FMOD: variants seen among roughly 807,000 people sequenced by gnomAD.
The protein encoded by FMOD is fibromodulin, also known as KSPG fibromodulin.
FMOD carries 15 observed loss-of-function variants against 27.0 expected under a neutral mutation model. The ratio of observed to expected loss-of-function variants is 0.55; its 90% CI spans 0.37 to 0.85. The LOEUF (loss-of-function observed/expected upper bound fraction) is 0.85. Ranked by LOEUF, FMOD falls within the 40% of genes least tolerant of loss-of-function variation. The probability of loss-of-function intolerance (pLI) is 0.00; values close to 1 mark genes in which losing one functional copy is unlikely to be tolerated. For synonymous variants in FMOD, 210 were observed against 214.0 expected (o/e 0.98, Z 0.16); for missense variants, 460 against 483.2 (o/e 0.95, Z 0.45).
At chr1:203,345,758 C>T (rs535465406) in intron 2 of FMOD, among the ~76,000 whole-genome samples, 12 of 151,930 alleles carry the variant, frequency 7.9e-5, no homozygotes, top group Non-Finnish European at 1.6e-4. Context: ...GTTGGCCGAG[C>T]GTGGTGGCAG....
At position 203,341,699 on chromosome 1, in the gene FMOD, A is replaced by G. The variant is rs1658797232; in HGVS notation, c.*644T>C. ...CTGGTGGCTTTCCAGGGGTGAGGTT[A>G]GGGAGGTATAGAAGTGACTCCTGGT... On this transcript the variant is annotated 3_prime_UTR_variant, in exon 3 of 3. Transcript: ENST00000354955. The G allele has an allele frequency of 6.6e-6, 1 of 152,252 alleles. No individual in the cohort carries two copies. Among genetic ancestry groups the G allele is most frequent in the African/African-American group, 2.4e-5 (1 of 41,440 alleles). The allele number at this position is 152,252 out of a possible 1,614,324, so 9.4% of individuals were successfully genotyped here.
Position 203,342,193 on chromosome 1 carries a change from C to T in FMOD, c.*150G>A, listed in dbSNP as rs113444349. On this transcript the variant is annotated 3_prime_UTR_variant, in exon 3 of 3. Coordinates refer to ENST00000354955, the MANE Select transcript of FMOD (RefSeq NM_002023.5). ...AGGCTGCCTGTCCCTGATCGCCCCC[C>T]CTAACCCCACCTACAGGAAAGAAGA... The T allele has an allele frequency of 4.3e-5, 41 of 957,526 alleles. 1 individual carries two copies. In the South Asian group the frequency reaches 6.2e-4, roughly 15 times the overall value. The allele number at this position is 957,526 out of a possible 1,614,324, so 59.3% of individuals were successfully genotyped here. A position where few individuals can be genotyped will look rare whatever the true frequency, so the allele number is the denominator to read the frequency against.
Position 203,347,724 on chromosome 1 carries a change from G to A in FMOD, c.547C>T (p.Leu183Phe), listed in dbSNP as rs1658915637. 1 of 1,614,042 alleles carries A rather than the reference G, an allele frequency of 6.2e-7. No homozygotes were observed. The highest frequency in any genetic ancestry group is 8.5e-7 in the Non-Finnish European group (1 of 1,180,040). ...PLPRSLRELH[L>F]DHNQISRVPN... ...ACCCGTGAGATCTGGTTGTGGTCGA[G>A]ATGGAGCTCTCTCAGGGATCGAGGC... Residue 183 changes from leucine (L) to phenylalanine (F), a missense_variant, in exon 2 of 3, where the codon CTC (leucine) becomes TTC (phenylalanine). Leu to Phe is a conservative substitution (Grantham distance 22, BLOSUM62 0). Transcript: ENST00000354955.
intron 1 of FMOD, 98 bp from the exon 2 acceptor site, chr1:203,348,375 G>A (rs1658934455): frequency 5.6e-6 from 7 of 1,257,726 alleles, no homozygotes. Context: ...GAGCTATGCA[G>A]AGCTGACTTC....
intron 1 of FMOD, 85 bp from the exon 2 acceptor site, chr1:203,348,362 T>C: frequency 2.1e-6 from 3 of 1,422,930 alleles, no homozygotes; most frequent in African/African-American, 1.4e-5. Flanking sequence ...AGCCTTAGGC[T>C]TTGAGCTATG....
intron 2 of FMOD, among the ~76,000 whole-genome samples, chr1:203,343,946 C>T (rs1040058784): frequency 8.5e-5 from 13 of 152,138 alleles, no homozygotes; most frequent in African/African-American, 2.4e-4. Flanking sequence ...GCAGGCATAA[C>T]ACAGAAAATC....
At chr1:203,345,646 C>T (rs59583954) in intron 2 of FMOD, among the ~76,000 whole-genome samples, 1,525 of 152,266 alleles carry the variant, frequency 0.01, 29 homozygotes, top group African/African-American at 0.035. Context: ...TGCCTGTAAT[C>T]CCAGCACTTT....
In FMOD at chr1:203,347,608, G is replaced by T. The variant is rs1210904126; in HGVS notation, c.663C>A (p.Gly221=). ...EIQEVGSSMR[G]LRSLILLDLS... ...GGTCCAGCAAGATCAGTGACCGGAG[G>T]CCCCTCATGGAACTGCCCACTTCCT... The change falls in exon 2 of 3, where the codon GGC becomes GGA. Residue 221 remains glycine (G), a synonymous_variant. Transcript: ENST00000354955. 2.5e-6 allele frequency: 4 copies of T among 1,614,172 alleles called. No homozygotes were observed. Among genetic ancestry groups the T allele is most frequent in the African/African-American group, 1.3e-5 (1 of 75,042 alleles).
intron 2 of FMOD, among the ~76,000 whole-genome samples, chr1:203,344,968 C>A (rs1037486150): frequency 1.8e-4 from 27 of 152,186 alleles, no homozygotes; most frequent in Admixed American, 1.6e-3. Flanking sequence ...ACAACAAAAA[C>A]TGCCTGTCAA....
At chr1:203,345,131 A>G (rs1288202722) in intron 2 of FMOD, among the ~76,000 whole-genome samples, 1 of 152,244 alleles carries the variant, frequency 6.6e-6, no homozygotes, top group African/African-American at 2.4e-5. Flanking sequence ...AGGCTGAGAG[A>G]GACTAAGTGA....
chr1:203,348,807 A>C (rs755293145), intron 1 of FMOD, among the ~76,000 whole-genome samples: 3 of 152,244 alleles, frequency 2.0e-5, no homozygotes, highest in Non-Finnish European at 1.5e-5. Context: ...GAAGAGCTGA[A>C]CTACATCTGG....
At chr1:203,344,438 C>T (rs1454548178) in intron 2 of FMOD, among the ~76,000 whole-genome samples, 1 of 152,142 alleles carries the variant, frequency 6.6e-6, no homozygotes, top group Non-Finnish European at 1.5e-5. Context: ...CAGGCTTCTG[C>T]GTGGAGGCAC....
intron 2 of FMOD, 127 bp downstream of exon 2, chr1:203,347,165 A>C: frequency 9.2e-7 from 1 of 1,088,462 alleles, no homozygotes; most frequent in Non-Finnish European, 1.3e-6. Flanking sequence ...CTTGGTTGTC[A>C]GGTTGCTTCA....
rs1242507322 is a variant in FMOD, at chr1:203,347,578, A to G, written c.693T>C (p.Ser231=). 6.2e-7 allele frequency: 1 copy of G among 1,614,108 alleles called. No homozygotes were observed. ...GLRSLILLDL[S]YNHLRKVPDG... ...CAGGCACCTTCCGAAGGTGGTTATA[A>G]CTCAGGTCCAGCAAGATCAGTGACC... Residue 231 remains serine (S), a synonymous_variant, in exon 2 of 3, where the codon AGT becomes AGC. Transcript: ENST00000354955.
intron 2 of FMOD, among the ~76,000 whole-genome samples, chr1:203,344,121 A>G (rs1428397572): frequency 6.6e-6 from 1 of 152,224 alleles, no homozygotes; most frequent in Admixed American, 6.5e-5. Flanking sequence ...GGTTGGGGGC[A>G]GAGCCTAGAC....
At chr1:203,343,387 G>A (rs181266813) in intron 2 of FMOD, among the ~76,000 whole-genome samples, 1 of 152,274 alleles carries the variant, frequency 6.6e-6, no homozygotes, top group Admixed American at 6.5e-5. Flanking sequence ...TCAGTAACTT[G>A]AAAGGAAAAG....
chr1:203,347,307 C>T lies in FMOD; in HGVS notation c.964G>A (p.Gly322Ser). 1 of 1,611,816 alleles carries T rather than the reference C, an allele frequency of 6.2e-7. No homozygotes were observed. The highest frequency in any genetic ancestry group is 2.2e-5 in the East Asian group (1 of 44,888). ...AAGGTCTCACCATTGATCCTATTGC[C>T]TTGGAGGTAGAGGTTCTCCAGGTTG... ...NTNLENLYLQ[G>S]NRINEFSISS... Residue 322 changes from glycine to serine, a missense_variant, in exon 2 of 3, where the codon GGC (glycine) becomes AGC (serine). Physicochemically the swap from Gly to Ser is moderately conservative, Grantham distance 56 (BLOSUM62 0). Coordinates refer to ENST00000354955, the MANE Select transcript of FMOD (RefSeq NM_002023.5).
Position 203,348,253 on chromosome 1 carries a change from G to A in FMOD, c.18C>T (p.Leu6=), listed in dbSNP as rs1201534669. 3.1e-6 allele frequency: 5 copies of A among 1,613,672 alleles called. No individual in the cohort carries two copies. The highest frequency in any genetic ancestry group is 4.2e-6 in the Non-Finnish European group (5 of 1,179,752). The change falls in exon 2 of 3, where the codon CTC becomes CTT. Residue 6 remains leucine, a synonymous_variant. Coordinates refer to ENST00000354955, the MANE Select transcript of FMOD (RefSeq NM_002023.5). MQWTS[L]LLLAGLFSLS... ...GGGAGAAGAGCCCTGCCAGCAGCAG[G>A]AGGGAGGTCCACTGCATTTTGTCTC...
chr1:203,347,123 A>G (rs1362272677), intron 2 of FMOD, among the ~76,000 whole-genome samples, 169 bp downstream of exon 2: 1 of 152,232 alleles, frequency 6.6e-6, no homozygotes, highest in African/African-American at 2.4e-5. Context: ...GCTATTTAGT[A>G]TAAGTGTATT....
Sources: gnomAD v4.1 joint callset for allele counts (sites outside exome capture counted in the v4.1 genomes callset) on GRCh38, gnomAD v4.1.1 for gene constraint, MANE v1.5 for transcripts, NCBI Gene and HGNC (gene_info 2026-07-23, HGNC 2026-07-21) for gene names.